The following PPM1L variants were observed in gnomAD, a reference collection of about 807,000 sequenced individuals.
PPM1L encodes the protein protein phosphatase, Mg2+/Mn2+ dependent 1L, also known as protein phosphatase 1L.
In PPM1L, 13 loss-of-function variants were observed where a neutral mutation model predicts 31.4. The ratio of observed to expected loss-of-function variants is 0.41; its 90% CI spans 0.27 to 0.66. The LOEUF (loss-of-function observed/expected upper bound fraction) is 0.66. PPM1L is among the 30% of genes least tolerant of loss of function. The pLI is 0.29. For missense variants in PPM1L, 326 were observed against 453.7 expected, an observed-to-expected ratio of 0.72 and a Z score of 2.56; for synonymous variants, 184 against 175.4, an observed-to-expected ratio of 1.05 and a Z score of -0.39.
At chr3:160,888,007 C>T (rs1255309893) in intron 1 of PPM1L, among the ~76,000 whole-genome samples, 1 of 152,116 alleles carries the variant, frequency 6.6e-6, no homozygotes, top group Non-Finnish European at 1.5e-5. Flanking sequence ...ATCACTAGGC[C>T]TGCCTTGCAA....
At position 160,786,207 on chromosome 3, in the gene PPM1L, ATTTTTTTTTT is replaced by A. The variant is rs35386910; in HGVS notation, c.399+29519_399+29528del. ...TGTGTGTATATATATATATATATAT[ATTTTTTTTTT>A]TTTTTTTTTTTTTTTTTTAAGACAG... On this transcript the variant is annotated intron_variant, in intron 1 of 3. Coordinates refer to ENST00000498165, the MANE Select transcript of PPM1L (RefSeq NM_139245.4). 6.9e-3 allele frequency among the ~76,000 whole-genome samples: 212 copies of A among 30,860 alleles called. 2 individuals are homozygous for A. Among genetic ancestry groups the A allele is most frequent in the East Asian group, 0.027 (21 of 786 alleles). The allele number at this position is 30,860 out of a possible 152,430, so 20.2% of individuals were successfully genotyped here.
At chr3:160,901,473 C>T in intron 1 of PPM1L, among the ~76,000 whole-genome samples, 1 of 152,048 alleles carries the variant, frequency 6.6e-6, no homozygotes. Flanking sequence ...ACTCATCTTC[C>T]CCTAAAATTC....
chr3:161,020,555 A>C (rs1431888513), intron 2 of PPM1L, among the ~76,000 whole-genome samples: 1 of 152,194 alleles, frequency 6.6e-6, no homozygotes, highest in African/African-American at 2.4e-5. Context: ...TTTTGCCCAT[A>C]CCATAGAATT....
At chr3:160,757,801 A>T (rs1250019665) in intron 1 of PPM1L, among the ~76,000 whole-genome samples, 1 of 152,106 alleles carries the variant, frequency 6.6e-6, no homozygotes, top group Non-Finnish European at 1.5e-5. Flanking sequence ...CCGAACTCCC[A>T]TACAAGTTTT....
intron 1 of PPM1L, among the ~76,000 whole-genome samples, chr3:160,828,825 C>A (rs891072250): frequency 3.9e-5 from 6 of 152,060 alleles, no homozygotes; most frequent in East Asian, 1.9e-4. Context: ...GAGCAAAACA[C>A]CCCAAACACC....
At chr3:160,851,637 GAA>G (rs1240379819) in intron 1 of PPM1L, among the ~76,000 whole-genome samples, 1 of 152,200 alleles carries the variant, frequency 6.6e-6, no homozygotes, top group Non-Finnish European at 1.5e-5. Flanking sequence ...TTGACGGGAA[GAA>G]AAGAGATACA....
At chr3:160,874,682 G>A (rs79321866) in intron 1 of PPM1L, among the ~76,000 whole-genome samples, 4,150 of 152,294 alleles carry the variant, frequency 0.027, 148 homozygotes, top group African/African-American at 0.08. Flanking sequence ...AATAGAATGT[G>A]TAGAATTAAT....
At chr3:161,027,712 C>G (rs1459336983) in intron 2 of PPM1L, among the ~76,000 whole-genome samples, 3 of 152,168 alleles carry the variant, frequency 2.0e-5, no homozygotes, top group Non-Finnish European at 4.4e-5. Context: ...GAACTTGTTA[C>G]AAGTGTAGAC....
rs113273287 is a variant in PPM1L at position 160,756,752 on chromosome 3, CGTGTGTGTGTGTGT to C, written c.399+70_399+83del. On this transcript the variant is annotated intron_variant, in intron 1 of 3. Coordinates refer to ENST00000498165, the MANE Select transcript of PPM1L (RefSeq NM_139245.4). This position sits in a 1 kb window ranked among gnomAD's most constrained non-coding sequence, Gnocchi z 6.2. ...TTTGTATTTGTGTCCGTGTATGTCT[CGTGTGTGTGTGTGT>C]GTGTGTGTGTGTGTGTGTGTGTGTA... is the stretch of plus-strand genomic sequence containing the variant. 245 of 1,016,796 alleles carry C rather than the reference CGTGTGTGTGTGTGT, an allele frequency of 2.4e-4. No homozygotes were observed. Among genetic ancestry groups the C allele is most frequent in the Admixed American group, 1.8e-3 (79 of 42,742 alleles). 63.0% of individuals were successfully genotyped at this position (1,016,796 alleles called of 1,614,324 possible). A position where few individuals can be genotyped will look rare whatever the true frequency, so the allele number is the denominator to read the frequency against.
chr3:160,843,429 TATA>T (rs1713962213), intron 1 of PPM1L, among the ~76,000 whole-genome samples: 16 of 42,500 alleles, frequency 3.8e-4, no homozygotes, highest in African/African-American at 1.7e-3. Context: ...AATTCTTTTA[TATA>T]TATATATATA....
chr3:161,011,454 G>A (rs937376782), intron 2 of PPM1L, among the ~76,000 whole-genome samples: 1 of 152,150 alleles, frequency 6.6e-6, no homozygotes, highest in African/African-American at 2.4e-5. Context: ...GTAGCGTGAT[G>A]CCTCCAGCTT....
Position 160,961,733 on chromosome 3 carries a change from C to G in PPM1L, c.400-3C>G, listed in dbSNP as rs1180115252. 6.4e-7 allele frequency: 1 copy of G among 1,569,988 alleles called. No homozygotes were observed. The highest frequency in any genetic ancestry group is 1.4e-5 in the African/African-American group (1 of 71,810). On this transcript the variant is annotated splice_region_variant and splice_polypyrimidine_tract_variant and intron_variant, in intron 1 of 3. Coordinates refer to ENST00000498165, the MANE Select transcript of PPM1L (RefSeq NM_139245.4). ...TCTCTCTCTCTGACTGTTTTATCTG[C>G]AGACTGCAGCTGAATATGTAAAATC... is the stretch of plus-strand genomic sequence containing the variant.
At chr3:160,861,178 G>C (rs148260296) in intron 1 of PPM1L, among the ~76,000 whole-genome samples, 1 of 152,114 alleles carries the variant, frequency 6.6e-6, no homozygotes, top group African/African-American at 2.4e-5. Context: ...GTATTCTTTC[G>C]TTGCCACTGT....
chr3:160,978,847 AAG>A (rs1336250636), intron 2 of PPM1L, among the ~76,000 whole-genome samples: 2 of 151,868 alleles, frequency 1.3e-5, no homozygotes, highest in Non-Finnish European at 2.9e-5. Flanking sequence ...GAAAGAAAGA[AAG>A]AGAGAAAGAG....
intron 2 of PPM1L, among the ~76,000 whole-genome samples, chr3:160,968,826 T>C (rs1716235673): frequency 1.3e-5 from 2 of 152,198 alleles, no homozygotes; most frequent in African/African-American, 4.8e-5. Context: ...TGCTCAATGG[T>C]AGCATCTTGT....
At chr3:160,768,892 C>A (rs78414116) in intron 1 of PPM1L, among the ~76,000 whole-genome samples, 2,516 of 152,284 alleles carry the variant, frequency 0.017, 65 homozygotes, top group African/African-American at 0.057. Flanking sequence ...CTCAGAAATT[C>A]TCTTCAGTTT....
intron 1 of PPM1L, among the ~76,000 whole-genome samples, chr3:160,817,863 A>G (rs183084080): frequency 6.6e-6 from 1 of 152,132 alleles, no homozygotes; most frequent in East Asian, 1.9e-4. Flanking sequence ...AATTGGCCAG[A>G]TAAGTATTCT....
chr3:160,947,555 C>T (rs1347287870), intron 1 of PPM1L, among the ~76,000 whole-genome samples: 27 of 152,078 alleles, frequency 1.8e-4, no homozygotes, highest in Non-Finnish European at 5.9e-5. Context: ...TATTTAGGTT[C>T]TTTGTTTTAT....
At chr3:160,797,323 A>C (rs1295795087) in intron 1 of PPM1L, among the ~76,000 whole-genome samples, 2 of 152,182 alleles carry the variant, frequency 1.3e-5, no homozygotes, top group Non-Finnish European at 2.9e-5. Context: ...TGAACTTAGT[A>C]AATGCTGTGT....
Sources: allele counts gnomAD v4.1 joint callset (sites outside exome capture counted in the v4.1 genomes callset), GRCh38; gene constraint gnomAD v4.1.1; non-coding constraint Gnocchi (gnomAD v3.1); transcripts MANE v1.5; gene names NCBI Gene and HGNC (gene_info 2026-07-23, HGNC 2026-07-21).